The following AGAP2 variants were observed in gnomAD, a reference collection of about 807,000 sequenced individuals.
AGAP2 encodes the protein ArfGAP with GTPase domain, ankyrin repeat and PH domain 2.
AGAP2 carries 32 observed loss-of-function variants against 110.9 expected under a neutral mutation model. The ratio of observed to expected loss-of-function variants is 0.29; its 90% CI spans 0.22 to 0.39. The LOEUF (loss-of-function observed/expected upper bound fraction) is 0.39, where lower values mean the gene tolerates loss of function less well. AGAP2 is among the 10% of genes least tolerant of loss of function. AGAP2 has a pLI of 1.00. For synonymous variants in AGAP2, 702 were observed against 713.0 expected (o/e 0.98, Z 0.25); for missense variants, 1,285 against 1,638.5 (o/e 0.78, Z 3.72).
chr12:57,735,747 G>A (rs1394789917), intron 1 of AGAP2, among the ~76,000 whole-genome samples: 1 of 152,204 alleles, frequency 6.6e-6, no homozygotes, highest in Non-Finnish European at 1.5e-5. Context: ...TCTGACAGTG[G>A]CAGGTTCTTC....
At chr12:57,731,304 A>G in intron 10 of AGAP2, 62 bp downstream of exon 10, 1 of 1,361,424 alleles carries the variant, frequency 7.3e-7, no homozygotes, top group African/African-American at 1.4e-5. Flanking sequence ...TCAGAGGCAT[A>G]GACAGGTAGA....
Position 57,731,532 on chromosome 12 carries a change from T to C in AGAP2, c.2040+24A>G. On this transcript the variant is annotated intron_variant, in intron 9 of 18. Transcript: ENST00000547588. ...CAACTAAGACCAGCTGCCCCTAGCC[T>C]GTCCCAGCCCCTGGATCACTCACCT... 4 of 1,614,076 alleles carry C rather than the reference T, an allele frequency of 2.5e-6. No homozygotes were observed. The South Asian group carries it at 4.4e-5, about 18-fold the overall frequency.
upstream of AGAP2, among the ~76,000 whole-genome samples, chr12:57,741,656 C>A (rs1373458536): frequency 6.6e-6 from 1 of 152,166 alleles, no homozygotes; most frequent in Non-Finnish European, 1.5e-5. Flanking sequence ...CATGCTCACA[C>A]ATTTCTTCAT....
upstream of AGAP2, among the ~76,000 whole-genome samples, chr12:57,740,886 G>C (rs1955069338): frequency 6.6e-6 from 1 of 152,236 alleles, no homozygotes; most frequent in African/African-American, 2.4e-5. Flanking sequence ...TGTACTAGCA[G>C]AGAGGTCTGG....
At position 57,734,644 on chromosome 12, in the gene AGAP2, C is replaced by T. The variant is rs142813306; in HGVS notation, c.1263G>A (p.Ser421=). The stretch of plus-strand genomic sequence containing the variant: ...AGCCAGTCAGGAATCGGTGGATGAG[C>T]GATGACTTCCCACTCCTGGCATCGC... ...VLGDARSGKS[S]LIHRFLTGSY... Residue 421 remains serine, a synonymous_variant, in exon 3 of 19, where the codon TCG becomes TCA. Coordinates refer to ENST00000547588, the MANE Select transcript of AGAP2 (RefSeq NM_001122772.3). The T allele has an allele frequency of 8.0e-5, 129 of 1,614,144 alleles. No individual in the cohort carries two copies. The African/African-American group carries it at 9.9e-4, about 12-fold the overall frequency.
intron 1 of AGAP2, among the ~76,000 whole-genome samples, chr12:57,736,195 G>A (rs1276446131): frequency 2.0e-5 from 3 of 151,778 alleles, no homozygotes; most frequent in Non-Finnish European, 2.9e-5. Context: ...GCTCCCACCC[G>A]CTCCGGAGCC....
In AGAP2 at chr12:57,726,615, G is replaced by T. The variant is rs1473799888; in HGVS notation, c.3516C>A (p.Ser1172Arg). The T allele has an allele frequency of 5.8e-6, 7 of 1,199,942 alleles. No individual in the cohort carries two copies. Among genetic ancestry groups the T allele is most frequent in the Non-Finnish European group, 7.2e-6 (7 of 967,720 alleles). 74.3% of individuals were successfully genotyped at this position (1,199,942 alleles called of 1,614,324 possible). Reference protein sequence around the residue: ...ATTPSITATPSPRRRSSAASV... With the variant: ...ATTPSITATPRPRRRSSAASV... ...TAGCGGCGCTGCTCCGGCGGCGGGG[G>T]CTGGGCGTGGCGGTGATGCTGGGCG... Residue 1172 changes from serine (S) to arginine (R), a missense_variant, in exon 19 of 19, where the codon AGC (serine) becomes AGA (arginine). Transcript: ENST00000547588. This position sits in a 1 kb window ranked among gnomAD's most constrained non-coding sequence, Gnocchi z 5.7.
intron 13 of AGAP2, 139 bp downstream of exon 13, chr12:57,729,500 C>A: frequency 8.0e-7 from 1 of 1,248,898 alleles, no homozygotes; most frequent in East Asian, 2.5e-5. Flanking sequence ...TCCACTCTTT[C>A]ACTAAGTTGT....
chr12:57,736,969 G>A, intron 1 of AGAP2, 110 bp downstream of exon 1: 2 of 1,435,730 alleles, frequency 1.4e-6, no homozygotes, highest in South Asian at 1.5e-5. Flanking sequence ...TGGTTCATCC[G>A]CCCACCCCAG....
In AGAP2 at chr12:57,725,444, G is replaced by C. The variant is rs1954745258; in HGVS notation, c.*1108C>G. ...CCAGGTAAGTCCGCCCTATCACCCAGTTTGTGGGGAAGGGGCAGGGGGCCT... is the reference window on the plus strand; with the variant it reads ...CCAGGTAAGTCCGCCCTATCACCCACTTTGTGGGGAAGGGGCAGGGGGCCT... On this transcript the variant is annotated 3_prime_UTR_variant, in exon 19 of 19. Coordinates refer to ENST00000547588, the MANE Select transcript of AGAP2 (RefSeq NM_001122772.3). 6.6e-6 allele frequency: 1 copy of C among 152,106 alleles called. No homozygotes were observed. The highest frequency in any genetic ancestry group is 2.1e-4 in the South Asian group (1 of 4,806). 9.4% of individuals were successfully genotyped at this position (152,106 alleles called of 1,614,324 possible).
intron 5 of AGAP2, 38 bp from the exon 6 acceptor site, chr12:57,733,017 C>A: frequency 1.2e-6 from 2 of 1,611,332 alleles, no homozygotes; most frequent in Non-Finnish European, 1.7e-6. Context: ...GAACAAGGAG[C>A]CCCACCTTGT....
At position 57,737,690 on chromosome 12, in the gene AGAP2, G is replaced by A. The variant is rs1009052044; in HGVS notation, c.557C>T (p.Ala186Val). Residue 186 changes from alanine to valine, a missense_variant, in exon 1 of 19, where the codon GCT becomes GTT. Ala to Val is a moderately conservative substitution (Grantham distance 64). Around this residue, in one of 7 missense-constraint regions of AGAP2, gnomAD observed 844 missense variants for 941.2 expected, o/e 0.90. Transcript: ENST00000547588. The surrounding 1 kb of genome is among the most constrained non-coding windows in gnomAD (Gnocchi z 5.9). ...RRLKVAPPPP[A>V]PKPCKTVTTS... The stretch of plus-strand genomic sequence containing the variant: ...GGTCACGGTCTTGCAAGGCTTGGGA[G>A]CCGGCGGAGGAGGCGCCACCTTGAG... The A allele has an allele frequency of 7.7e-6, 12 of 1,549,614 alleles. No individual in the cohort carries two copies. The highest frequency in any genetic ancestry group is 2.4e-5 in the East Asian group (1 of 41,346).
Position 57,738,177 on chromosome 12 carries a change from G to A in AGAP2, c.70C>T (p.Leu24Phe), listed in dbSNP as rs779469149. 6 of 1,525,608 alleles carry A rather than the reference G, an allele frequency of 3.9e-6. No individual in the cohort carries two copies. The South Asian group carries it at 7.2e-5, about 18-fold the overall frequency. 94.5% of individuals were successfully genotyped at this position (1,525,608 alleles called of 1,614,324 possible). A position where few individuals can be genotyped will look rare whatever the true frequency, so the allele number is the denominator to read the frequency against. The change falls in exon 1 of 19, where the codon CTC becomes TTC. Residue 24 changes from leucine (L) to phenylalanine (F), a missense_variant. This residue lies in a region of AGAP2 where 844 missense variants were observed against 941.2 expected (regional missense o/e 0.90). Coordinates refer to ENST00000547588, the MANE Select transcript of AGAP2 (RefSeq NM_001122772.3). The surrounding 1 kb of genome is among the most constrained non-coding windows in gnomAD (Gnocchi z 6.7). ...GGCGGCGGCGGAGGCACCGACTCGA[G>A]CTTAACCAGGGTCAGCGAGATGAGG... ...TYLISLTLVK[L>F]ESVPPPPPSP...
Position 57,737,529 on chromosome 12 carries a change from CGGT to C in AGAP2, c.715_717del (p.Thr239del). The C allele has an allele frequency of 6.4e-7, 1 of 1,560,890 alleles. No homozygotes were observed. The highest frequency in any genetic ancestry group is 8.7e-7 in the Non-Finnish European group (1 of 1,153,394). On this transcript the variant is annotated inframe_deletion, in exon 1 of 19. Transcript: ENST00000547588. The surrounding 1 kb of genome is among the most constrained non-coding windows in gnomAD (Gnocchi z 5.9). ...GAGCCCCCTCCCCCGGCGGCGGCGG[CGGT>C]GGCGGCGGCAGAGACCGAAGCTCCA... is the stretch of plus-strand genomic sequence containing the variant.
chr12:57,737,710 CT>C lies in AGAP2; in HGVS notation c.536del (p.Lys179ArgfsTer15). On this transcript the variant is annotated frameshift_variant, in exon 1 of 19. Coordinates refer to ENST00000547588, the MANE Select transcript of AGAP2 (RefSeq NM_001122772.3). LOFTEE classifies it high-confidence loss of function. This position sits in a 1 kb window ranked among gnomAD's most constrained non-coding sequence, Gnocchi z 5.9. ...TGGGAGCCGGCGGAGGAGGCGCCAC[CT>C]TGAGCCTCCGGCTGCCGGTGCCAGG... ...PHPGTGSRRL[K>X]VAPPPPAPKP... 6.5e-7 allele frequency: 1 copy of C among 1,549,180 alleles called. No homozygotes were observed. The highest frequency in any genetic ancestry group is 8.7e-7 in the Non-Finnish European group (1 of 1,150,828).
At position 57,726,852 on chromosome 12, in the gene AGAP2, C is replaced by G. The variant is rs1422533352; in HGVS notation, c.3337-58G>C. 1 of 1,436,948 alleles carries G rather than the reference C, an allele frequency of 7.0e-7. No individual in the cohort carries two copies. Among genetic ancestry groups the G allele is most frequent in the Non-Finnish European group, 9.1e-7 (1 of 1,100,398 alleles). 89.0% of individuals were successfully genotyped at this position (1,436,948 alleles called of 1,614,324 possible). On this transcript the variant is annotated intron_variant, in intron 18 of 18. Transcript: ENST00000547588. The surrounding 1 kb of genome is among the most constrained non-coding windows in gnomAD (Gnocchi z 5.7). ...TCCCCAGGGCGCCCACACCCGGCGCCGCCTCCCCCACATGGCCAAGCCTAC... is the reference window on the plus strand; with the variant it reads ...TCCCCAGGGCGCCCACACCCGGCGCGGCCTCCCCCACATGGCCAAGCCTAC...
rs1565797337 is a variant in AGAP2 at position 57,737,016 on chromosome 12, C to T, written c.1168+63G>A. The T allele has an allele frequency of 6.9e-7, 1 of 1,450,240 alleles. No individual in the cohort carries two copies. Among genetic ancestry groups the T allele is most frequent in the Non-Finnish European group, 9.1e-7 (1 of 1,099,690 alleles). 89.8% of individuals were successfully genotyped at this position (1,450,240 alleles called of 1,614,324 possible). On this transcript the variant is annotated intron_variant, in intron 1 of 18. Coordinates refer to ENST00000547588, the MANE Select transcript of AGAP2 (RefSeq NM_001122772.3). The surrounding 1 kb of genome is among the most constrained non-coding windows in gnomAD (Gnocchi z 5.9). Reference sequence around the variant, plus strand: ...CCTAGTTTCCTGGACCTCGCTCCTCCACCCCAAGCTGAGCATTCCAGGTAC... The same window carrying T: ...CCTAGTTTCCTGGACCTCGCTCCTCTACCCCAAGCTGAGCATTCCAGGTAC...
At chr12:57,727,651 C>T in intron 16 of AGAP2, 30 bp downstream of exon 16, 2 of 1,594,132 alleles carry the variant, frequency 1.3e-6, no homozygotes, top group Non-Finnish European at 1.7e-6. Flanking sequence ...ACTACACTCC[C>T]TAGCCCCTCC....
rs776659681 is a variant in AGAP2, at chr12:57,737,427, T to C, written c.820A>G (p.Lys274Glu). The C allele has an allele frequency of 6.6e-5, 106 of 1,613,536 alleles. No individual in the cohort carries two copies. Among genetic ancestry groups the C allele is most frequent in the Non-Finnish European group, 8.0e-5 (94 of 1,179,782 alleles). Residue 274 changes from lysine to glutamate, a missense_variant, in exon 1 of 19, where the codon AAG becomes GAG. By Grantham distance (56) the Lys-to-Glu change is moderately conservative. Around this residue, in one of 7 missense-constraint regions of AGAP2, gnomAD observed 844 missense variants for 941.2 expected, o/e 0.90. Transcript: ENST00000547588. This position sits in a 1 kb window ranked among gnomAD's most constrained non-coding sequence, Gnocchi z 5.9. Reference protein sequence around the residue: ...GKLSPRKGKSKTLDNSDLHPG... With the variant: ...GKLSPRKGKSETLDNSDLHPG... ...TGCAAGTCACTGTTGTCCAAGGTCT[T>C]ACTCTTGCCTTTCCGAGGGGACAAC...
Sources: allele counts gnomAD v4.1 joint callset (sites outside exome capture counted in the v4.1 genomes callset), GRCh38; gene constraint gnomAD v4.1.1; regional missense constraint gnomAD v4.1.1; non-coding constraint Gnocchi (gnomAD v3.1); transcripts MANE v1.5; gene names NCBI Gene and HGNC (gene_info 2026-07-23, HGNC 2026-07-21).